Variants in PAK3 observed in about 807,000 individuals in gnomAD.
PAK3 encodes serine/threonine-protein kinase PAK 3.
A neutral mutation model predicts 41.0 loss-of-function variants in PAK3; 4 were observed. That is an observed-to-expected ratio of 0.10 (90% CI 0.05 to 0.22). The LOEUF (loss-of-function observed/expected upper bound fraction) is 0.22. Among genes scored for constraint, PAK3 ranks in the 10% least tolerant of loss-of-function variants. PAK3 has a pLI of 1.00. For synonymous variants in PAK3, 146 were observed against 139.6 expected (o/e 1.05, Z -0.32); for missense variants, 205 against 409.9 (o/e 0.50, Z 4.32).
At chrX:111,003,816 A>G (rs2091884368) in intron 1 of PAK3, among the ~76,000 whole-genome samples, 1 of 111,930 alleles carries the variant, frequency 8.9e-6, no homozygotes, top group Admixed American at 9.5e-5. Flanking sequence ...ATGAAAATCC[A>G]GAACAAATTT....
intron 9 of PAK3, 56 bp from the exon 10 acceptor site, chrX:111,163,506 T>G: frequency 1.2e-6 from 1 of 845,084 alleles, no homozygotes; most frequent in East Asian, 3.1e-5. Context: ...ATACATTGAC[T>G]CCACACTCTT....
At chrX:110,994,124 G>A (rs967071424) in intron 1 of PAK3, among the ~76,000 whole-genome samples, 1 of 112,092 alleles carries the variant, frequency 8.9e-6, no homozygotes, top group Non-Finnish European at 1.9e-5. Context: ...AATTTTTGCC[G>A]TTACAAGCAG....
chrX:111,214,594 A>G (rs746864219), intron 16 of PAK3, among the ~76,000 whole-genome samples: 1 of 111,565 alleles, frequency 9.0e-6, no homozygotes, highest in Admixed American at 9.5e-5. Flanking sequence ...CCCTGCCCAT[A>G]TTTACTGAAA....
intron 3 of PAK3, among the ~76,000 whole-genome samples, chrX:111,102,446 G>A: frequency 8.9e-6 from 1 of 112,210 alleles, no homozygotes. Flanking sequence ...CAGCACCTGT[G>A]AGATGGTAGC....
rs1028892982 is a variant in PAK3, at chrX:111,042,853, T to C, written c.-27-80224T>C. 3.6e-5 allele frequency among the ~76,000 whole-genome samples: 4 copies of C among 112,275 alleles called. No individual in the cohort carries two copies. In the East Asian group the frequency reaches 1.1e-3, roughly 32 times the overall value. ...AACTATAAAGGCAAGGCTGCATCTG[T>C]TTTATGTCCCTTTCCCCTCATGTTC... On this transcript the variant is annotated intron_variant, in intron 1 of 14. Transcript: ENST00000425146.
rs1171791519 is a variant in PAK3, at chrX:111,226,263, G to T, written c.*5816G>T. The T allele has an allele frequency of 1.8e-5, 2 of 111,371 alleles. No individual in the cohort carries two copies. Among genetic ancestry groups the T allele is most frequent in the Non-Finnish European group, 3.8e-5 (2 of 53,096 alleles). 9.2% of individuals were successfully genotyped at this position (111,371 alleles called of 1,213,427 possible). On this transcript the variant is annotated 3_prime_UTR_variant, in exon 18 of 18. Transcript: ENST00000372007. Reference sequence around the variant, plus strand: ...GCAGCCTTCCAATTCATTTACAGTTGTTTCGTTTTGTTTTTGTTTTAATGT... The same window carrying T: ...GCAGCCTTCCAATTCATTTACAGTTTTTTCGTTTTGTTTTTGTTTTAATGT...
chrX:110,959,069 T>A (rs950849612), intron 1 of PAK3, among the ~76,000 whole-genome samples: 1 of 112,143 alleles, frequency 8.9e-6, no homozygotes, highest in Non-Finnish European at 1.9e-5. Context: ...AAGGCACACA[T>A]ACGTTTGCTC....
At chrX:111,137,488 A>G (rs954104008) in intron 5 of PAK3, among the ~76,000 whole-genome samples, 2 of 111,197 alleles carry the variant, frequency 1.8e-5, no homozygotes, top group Non-Finnish European at 3.8e-5. Flanking sequence ...GATGAAAATG[A>G]TGTACAGTGA....
intron 10 of PAK3, among the ~76,000 whole-genome samples, chrX:111,168,024 C>T (rs1237662825): frequency 9.0e-6 from 1 of 111,319 alleles, no homozygotes; most frequent in Non-Finnish European, 1.9e-5. Context: ...GCATTCCCCA[C>T]TCAAAACCCT....
chrX:111,171,279 T>A (rs2094336689), intron 10 of PAK3, among the ~76,000 whole-genome samples: 1 of 111,627 alleles, frequency 9.0e-6, no homozygotes, highest in Admixed American at 9.5e-5. Flanking sequence ...ACCAACCAAC[T>A]GTACACTTCT....
intron 4 of PAK3, among the ~76,000 whole-genome samples, chrX:111,118,363 A>G (rs140328221): frequency 8.1e-5 from 9 of 111,281 alleles, no homozygotes; most frequent in African/African-American, 2.9e-4. Flanking sequence ...CCATCTCGAA[A>G]ATGTATGCCT....
At chrX:111,098,625 T>A (rs766631613) in intron 3 of PAK3, 1 of 110,958 alleles carries the variant, frequency 9.0e-6, no homozygotes, top group South Asian at 4.0e-4. Flanking sequence ...CCTCAACAAC[T>A]GGCTCTTTCC....
intron 5 of PAK3, among the ~76,000 whole-genome samples, chrX:111,134,215 T>C (rs965119707): frequency 2.7e-5 from 3 of 111,947 alleles, no homozygotes; most frequent in Non-Finnish European, 5.7e-5. Context: ...CATATATGCC[T>C]TTGGCCCCAA....
chrX:111,136,372 A>C (rs1391703387), intron 5 of PAK3, among the ~76,000 whole-genome samples: 1 of 111,650 alleles, frequency 9.0e-6, no homozygotes, highest in Non-Finnish European at 1.9e-5. Flanking sequence ...AGAAGTGGAG[A>C]GCTTTCATGG....
At position 111,121,317 on chromosome X, in the gene PAK3, C is replaced by T. The variant is rs144789668; in HGVS notation, c.-27-1760C>T. Among the ~76,000 whole-genome samples, 750 of 111,419 alleles carry T rather than the reference C, an allele frequency of 6.7e-3. 5 individuals are homozygous for T. The highest frequency in any genetic ancestry group is 0.022 in the African/African-American group (686 of 30,756). On this transcript the variant is annotated intron_variant, in intron 4 of 17. Transcript: ENST00000372007. ...GACATGACACTTAGCAAAACAAAAG[C>T]GATCTCCCGTTCAAATCAAAATCAA...
chrX:111,110,252 T>A (rs1394344556), intron 4 of PAK3, among the ~76,000 whole-genome samples: 1 of 112,411 alleles, frequency 8.9e-6, no homozygotes. Context: ...CACAATCTAC[T>A]GGTGACGTGA....
chrX:110,980,254 T>G (rs2091426882), intron 1 of PAK3, among the ~76,000 whole-genome samples: 1 of 112,033 alleles, frequency 8.9e-6, no homozygotes, highest in South Asian at 3.7e-4. Context: ...TTGGAGTAAT[T>G]TCTCATCATG....
chrX:110,996,096 C>A (rs2091734590), intron 1 of PAK3, among the ~76,000 whole-genome samples: 2 of 111,865 alleles, frequency 1.8e-5, no homozygotes, highest in Admixed American at 1.9e-4. Flanking sequence ...GGCCAGGCCT[C>A]TTCTAGATGA....
chrX:111,152,584 T>G (rs1414378223), intron 8 of PAK3, 137 bp downstream of exon 8: 7 of 466,255 alleles, frequency 1.5e-5, no homozygotes, highest in Non-Finnish European at 1.9e-5. Flanking sequence ...TATATAAAAT[T>G]CACCTATTTT....
Sources: gnomAD v4.1 joint callset for allele counts (sites outside exome capture counted in the v4.1 genomes callset) on GRCh38, gnomAD v4.1.1 for gene constraint, MANE v1.5 for transcripts, NCBI Gene and HGNC (gene_info 2026-07-23, HGNC 2026-07-21) for gene names.